GRIK2: variants seen among roughly 807,000 people sequenced by gnomAD.
The protein encoded by GRIK2 is glutamate ionotropic receptor kainate type subunit 2.
In GRIK2, 32 loss-of-function variants were observed where a neutral mutation model predicts 100.3. That is an observed-to-expected ratio of 0.32 (90% CI 0.24 to 0.43). The LOEUF is 0.43. Ranked by LOEUF, GRIK2 falls within the 20% of genes least tolerant of loss-of-function variation. The pLI is 1.00. For missense variants in GRIK2, 843 were observed against 1,114.9 expected, an observed-to-expected ratio of 0.76 and a Z score of 3.47; for synonymous variants, 417 against 389.4, an observed-to-expected ratio of 1.07 and a Z score of -0.83.
chr6:101,691,707 T>C (rs1166917830), intron 7 of GRIK2, among the ~76,000 whole-genome samples: 3 of 152,154 alleles, frequency 2.0e-5, no homozygotes, highest in Admixed American at 2.0e-4. Flanking sequence ...TGAGTCTTTA[T>C]GTGTTTTAAT....
At chr6:101,542,741 A>T (rs553044335) in intron 2 of GRIK2, among the ~76,000 whole-genome samples, 40 of 152,238 alleles carry the variant, frequency 2.6e-4, no homozygotes, top group Admixed American at 2.5e-3. Flanking sequence ...CGTGTAAGTG[A>T]TGTCACAGCT....
chr6:101,554,813 TAAG>T (rs1230534936), intron 2 of GRIK2, among the ~76,000 whole-genome samples: 4 of 152,010 alleles, frequency 2.6e-5, no homozygotes, highest in Non-Finnish European at 2.9e-5. Flanking sequence ...TACCTGCGCA[TAAG>T]AAGGATGCTT....
chr6:101,805,075 A>G (rs530582528), intron 9 of GRIK2, among the ~76,000 whole-genome samples: 1 of 152,052 alleles, frequency 6.6e-6, no homozygotes, highest in South Asian at 2.1e-4. Flanking sequence ...ATGAGGCAAC[A>G]GCAGTTATCT....
intron 14 of GRIK2, among the ~76,000 whole-genome samples, chr6:101,977,231 CTATGTTATGTTATGTTATGT>C (rs58581420): frequency 1.1e-4 from 16 of 146,554 alleles, no homozygotes; most frequent in East Asian, 2.1e-4. Flanking sequence ...TTATTAGTGG[CTATGTTATGTTATGTTATGT>C]TATGTTATGT....
intron 4 of GRIK2, among the ~76,000 whole-genome samples, chr6:101,650,407 C>T (rs1285465281): frequency 6.6e-6 from 1 of 152,080 alleles, no homozygotes; most frequent in East Asian, 1.9e-4. Context: ...TAACCACCTC[C>T]TTTTCAGTTT....
chr6:101,494,207 CACAGT>C (rs1257653198), intron 2 of GRIK2, among the ~76,000 whole-genome samples: 2 of 151,082 alleles, frequency 1.3e-5, no homozygotes, highest in Non-Finnish European at 3.0e-5. Flanking sequence ...TCATTTCAGT[CACAGT>C]ACATAAATTT....
chr6:101,786,467 T>C (rs934731815), intron 7 of GRIK2, among the ~76,000 whole-genome samples: 3 of 152,128 alleles, frequency 2.0e-5, no homozygotes, highest in African/African-American at 7.2e-5. Context: ...TGAGGCATGT[T>C]CCTTTTATGC....
At chr6:101,837,533 A>G (rs1257926202) in intron 10 of GRIK2, among the ~76,000 whole-genome samples, 1 of 152,184 alleles carries the variant, frequency 6.6e-6, no homozygotes, top group African/African-American at 2.4e-5. Flanking sequence ...TTTATCTCTG[A>G]ATTATACCTC....
chr6:101,859,652 G>A (rs1364859644), intron 11 of GRIK2, among the ~76,000 whole-genome samples, 159 bp downstream of exon 11: 4 of 152,122 alleles, frequency 2.6e-5, no homozygotes, highest in African/African-American at 9.7e-5. Flanking sequence ...GTCACTAAAT[G>A]TAAAGAATCT....
chr6:101,988,215 TGTGA>T (rs895723165), intron 14 of GRIK2, among the ~76,000 whole-genome samples: 1 of 150,914 alleles, frequency 6.6e-6, no homozygotes, highest in Non-Finnish European at 1.5e-5. Flanking sequence ...GTTTATGTTT[TGTGA>T]GTGACTACTA....
intron 14 of GRIK2, among the ~76,000 whole-genome samples, chr6:102,001,190 T>G (rs533098933): frequency 3.4e-4 from 51 of 151,790 alleles, no homozygotes; most frequent in African/African-American, 1.2e-3. Context: ...TCTTTATTTT[T>G]TTTTTTTTTT....
intron 14 of GRIK2, among the ~76,000 whole-genome samples, chr6:102,004,982 T>C (rs1350425489): frequency 2.0e-5 from 3 of 151,798 alleles, no homozygotes; most frequent in African/African-American, 7.2e-5. Context: ...TTTGTGTAGG[T>C]GGCAGGAGAA....
chr6:101,778,237 TAGTG>T (rs1339333240), intron 7 of GRIK2, among the ~76,000 whole-genome samples: 3 of 152,090 alleles, frequency 2.0e-5, no homozygotes, highest in African/African-American at 7.2e-5. Flanking sequence ...AGATACAAAT[TAGTG>T]ATGTTTAATT....
At position 101,586,079 on chromosome 6, in the gene GRIK2, G is replaced by A. The variant is rs629089; in HGVS notation, c.116-35870G>A. Among the ~76,000 whole-genome samples the A allele has an allele frequency of 2.7e-3, 406 of 152,072 alleles. 1 individual carries two copies. The highest frequency in any genetic ancestry group is 2.8e-3 in the Admixed American group (42 of 15,248). ...ATGCTGGGTTTTAGGGTTGAGGTTT[G>A]GGAGTTTAGTCCTGAAGCTGGGCGC... On this transcript the variant is annotated intron_variant, in intron 2 of 16. Coordinates refer to ENST00000369134, the MANE Select transcript of GRIK2 (RefSeq NM_021956.5).
intron 14 of GRIK2, among the ~76,000 whole-genome samples, chr6:101,975,799 C>G (rs1458024364): frequency 7.4e-6 from 1 of 135,044 alleles, no homozygotes; most frequent in African/African-American, 3.0e-5. Flanking sequence ...GTCTGTCTAT[C>G]TATCTATCTG....
intron 2 of GRIK2, among the ~76,000 whole-genome samples, chr6:101,559,581 C>T (rs190304161): frequency 1.3e-5 from 2 of 152,222 alleles, no homozygotes; most frequent in Admixed American, 6.5e-5. Flanking sequence ...ACTATATTTA[C>T]AATCAGCTAC....
At chr6:101,970,754 G>C (rs1013889543) in intron 14 of GRIK2, among the ~76,000 whole-genome samples, 1 of 144,442 alleles carries the variant, frequency 6.9e-6, no homozygotes, top group African/African-American at 2.9e-5. Flanking sequence ...GTATTTAGTT[G>C]GTCCTCAATT....
intron 7 of GRIK2, among the ~76,000 whole-genome samples, chr6:101,734,272 G>A (rs957480539): frequency 6.6e-6 from 1 of 152,164 alleles, no homozygotes; most frequent in Non-Finnish European, 1.5e-5. Context: ...ACCCAGAAGA[G>A]TTAATGTTAT....
chr6:101,838,086 A>G (rs2128432549), intron 10 of GRIK2, among the ~76,000 whole-genome samples: 1 of 152,296 alleles, frequency 6.6e-6, no homozygotes, highest in Admixed American at 6.5e-5. Context: ...AATCACAGGG[A>G]CACAGAGAAG....
Sources: gnomAD v4.1 joint callset for allele counts (sites outside exome capture counted in the v4.1 genomes callset) on GRCh38, gnomAD v4.1.1 for gene constraint, MANE v1.5 for transcripts, NCBI Gene and HGNC (gene_info 2026-07-23, HGNC 2026-07-21) for gene names.